PTPRK: variants seen among roughly 807,000 people sequenced by gnomAD.
PTPRK encodes the protein protein tyrosine phosphatase receptor type K.
PTPRK carries 75 observed loss-of-function variants against 178.0 expected under a neutral mutation model. The observed-to-expected ratio is 0.42, with a 90% confidence interval of 0.35 to 0.51. PTPRK has a LOEUF of 0.51. Ranked by LOEUF, PTPRK falls within the 20% of genes least tolerant of loss-of-function variation. The pLI is 0.02. For synonymous variants in PTPRK, 637 were observed against 620.6 expected (o/e 1.03, Z -0.39); for missense variants, 1,441 against 1,797.8 (o/e 0.80, Z 3.59).
At chr6:128,132,608 G>A (rs1389483841) in intron 7 of PTPRK, among the ~76,000 whole-genome samples, 3 of 152,292 alleles carry the variant, frequency 2.0e-5, no homozygotes, top group East Asian at 1.9e-4. Context: ...CCTGTATTAC[G>A]CTGATGACAC....
chr6:128,087,768 G>A (rs900280399), intron 8 of PTPRK, among the ~76,000 whole-genome samples: 2 of 151,974 alleles, frequency 1.3e-5, no homozygotes, highest in African/African-American at 4.8e-5. Context: ...GAAATTTTAG[G>A]AACATGAGTA....
At chr6:128,087,705 C>T (rs1786146734) in intron 8 of PTPRK, among the ~76,000 whole-genome samples, 1 of 152,082 alleles carries the variant, frequency 6.6e-6, no homozygotes, top group African/African-American at 2.4e-5. Flanking sequence ...TCAAACATGA[C>T]AAAAGCACAT....
intron 1 of PTPRK, among the ~76,000 whole-genome samples, chr6:128,489,849 G>A (rs1389175422): frequency 6.6e-6 from 1 of 152,134 alleles, no homozygotes; most frequent in African/African-American, 2.4e-5. Context: ...AGATATGTAT[G>A]CAGTATAATC....
intron 6 of PTPRK, among the ~76,000 whole-genome samples, chr6:128,194,174 C>T (rs1229015620): frequency 3.3e-5 from 5 of 151,204 alleles, no homozygotes; most frequent in African/African-American, 2.4e-5. Context: ...CAAGCTCCAC[C>T]TCCTGGGTTC....
At chr6:128,156,098 A>G (rs1339067914) in intron 7 of PTPRK, among the ~76,000 whole-genome samples, 3 of 151,778 alleles carry the variant, frequency 2.0e-5, no homozygotes, top group Non-Finnish European at 4.4e-5. Flanking sequence ...TTTTTTTCTC[A>G]TGATTTACCA....
intron 5 of PTPRK, among the ~76,000 whole-genome samples, chr6:128,223,872 G>A (rs972360413): frequency 2.0e-5 from 3 of 152,094 alleles, no homozygotes; most frequent in African/African-American, 7.2e-5. Flanking sequence ...AACCAAAGCT[G>A]TTATGTTCAT....
intron 2 of PTPRK, among the ~76,000 whole-genome samples, chr6:128,356,021 T>C (rs1833913140): frequency 6.6e-6 from 1 of 152,108 alleles, no homozygotes; most frequent in African/African-American, 2.4e-5. Flanking sequence ...AAATGGAAAA[T>C]CAGTCTATAC....
At chr6:128,269,587 A>G (rs2128296860) in intron 3 of PTPRK, among the ~76,000 whole-genome samples, 1 of 152,210 alleles carries the variant, frequency 6.6e-6, no homozygotes, top group East Asian at 1.9e-4. Context: ...TAAAGTGTAT[A>G]AAGAAAATGC....
chr6:128,122,617 A>G (rs892859763), intron 7 of PTPRK, among the ~76,000 whole-genome samples: 5 of 152,138 alleles, frequency 3.3e-5, no homozygotes, highest in African/African-American at 1.2e-4. Context: ...TAATAGCAAT[A>G]AATGCTGTTA....
intron 7 of PTPRK, among the ~76,000 whole-genome samples, chr6:128,173,082 A>G (rs1364101786): frequency 2.6e-5 from 4 of 151,994 alleles, no homozygotes; most frequent in Non-Finnish European, 5.9e-5. Context: ...TATGCCTGGG[A>G]TTGGATGATA....
intron 1 of PTPRK, among the ~76,000 whole-genome samples, chr6:128,504,520 C>T (rs1856043834): frequency 6.6e-6 from 1 of 152,116 alleles, no homozygotes; most frequent in South Asian, 2.1e-4. Flanking sequence ...ACTCCTGAAC[C>T]TAAATTAAAG....
intron 7 of PTPRK, among the ~76,000 whole-genome samples, chr6:128,111,977 A>G (rs1456514030): frequency 1.3e-5 from 2 of 151,632 alleles, no homozygotes; most frequent in African/African-American, 4.8e-5. Flanking sequence ...TTTACCTGTG[A>G]AGATGGAGGG....
intron 3 of PTPRK, among the ~76,000 whole-genome samples, chr6:128,312,732 A>G (rs1827420086): frequency 2.6e-5 from 4 of 152,146 alleles, no homozygotes; most frequent in Admixed American, 2.6e-4. Context: ...ATATTCTCTA[A>G]GGAAAAGTAT....
intron 3 of PTPRK, among the ~76,000 whole-genome samples, chr6:128,263,656 T>C (rs1258683575): frequency 6.6e-6 from 1 of 152,204 alleles, no homozygotes; most frequent in Non-Finnish European, 1.5e-5. Flanking sequence ...GATTAATCAC[T>C]TACATAATAT....
At chr6:128,209,445 T>C (rs1254157161) in intron 6 of PTPRK, among the ~76,000 whole-genome samples, 1 of 152,042 alleles carries the variant, frequency 6.6e-6, no homozygotes, top group Non-Finnish European at 1.5e-5. Context: ...TTACTTATCT[T>C]CCACTATCCA....
chr6:127,970,823 C>T (rs1391325503), intron 29 of PTPRK, among the ~76,000 whole-genome samples: 1 of 151,810 alleles, frequency 6.6e-6, no homozygotes, highest in Non-Finnish European at 1.5e-5. Context: ...TGTTATTTAA[C>T]ATCTTTTAAT....
intron 13 of PTPRK, among the ~76,000 whole-genome samples, chr6:128,054,041 C>T (rs775619088): frequency 2.4e-4 from 37 of 152,170 alleles, no homozygotes; most frequent in Non-Finnish European, 4.9e-4. Flanking sequence ...AACTTGCTTT[C>T]ACTTCAAAAA....
chr6:128,463,509 A>T (rs1454246080), intron 1 of PTPRK, among the ~76,000 whole-genome samples: 1 of 152,110 alleles, frequency 6.6e-6, no homozygotes, highest in African/African-American at 2.4e-5. Flanking sequence ...ACATCTATCC[A>T]ACGTTTACCA....
chr6:128,240,145 A>T lies in PTPRK; in HGVS notation c.583T>A (p.Ser195Thr), dbSNP rs778174636. ...TCCCCTAGACGGAGGAAATGAGGAG[A>T]TTTATCTGTGAAGGAAGGGAAAAAA... ...IQVLSYPCDK[S>T]PHFLRLGDVE... Residue 195 changes from serine to threonine, a missense_variant, in exon 5 of 30, where the codon TCT becomes ACT. By Grantham distance (58) the Ser-to-Thr change is moderately conservative. Coordinates refer to ENST00000368226, the MANE Select transcript of PTPRK (RefSeq NM_002844.4). 1 of 1,608,018 alleles carries T rather than the reference A, an allele frequency of 6.2e-7. No individual in the cohort carries two copies. The highest frequency in any genetic ancestry group is 2.2e-5 in the East Asian group (1 of 44,690).
Sources: allele counts gnomAD v4.1 joint callset (sites outside exome capture counted in the v4.1 genomes callset), GRCh38; gene constraint gnomAD v4.1.1; transcripts MANE v1.5; gene names NCBI Gene and HGNC (gene_info 2026-07-23, HGNC 2026-07-21).